The following METTL2B variants were observed in gnomAD, a reference collection of about 807,000 sequenced individuals.
The protein encoded by METTL2B is tRNA N(3)-cytidine methyltransferase METTL2B.
Under a neutral mutation model 51.0 loss-of-function variants are expected in METTL2B, and 28 were observed. That is an observed-to-expected ratio of 0.55 (90% CI 0.41 to 0.75). METTL2B has a LOEUF of 0.75. Ranked by LOEUF, METTL2B falls within the 30% of genes least tolerant of loss-of-function variation. METTL2B has a pLI of 0.00. For missense variants in METTL2B, 313 were observed against 460.7 expected, an observed-to-expected ratio of 0.68 and a Z score of 2.93; for synonymous variants, 128 against 166.3, an observed-to-expected ratio of 0.77 and a Z score of 1.77.
intron 4 of METTL2B, among the ~76,000 whole-genome samples, chr7:128,484,774 G>A (rs1449441848): frequency 5.9e-5 from 9 of 152,104 alleles, no homozygotes; most frequent in Admixed American, 5.9e-4. Flanking sequence ...TGTATTTTTA[G>A]GATTCACTGT....
At chr7:128,488,703 G>A (rs991457539) in intron 5 of METTL2B, 7 of 314,428 alleles carry the variant, frequency 2.2e-5, no homozygotes, top group African/African-American at 1.3e-4. Flanking sequence ...TCCTCTGTGT[G>A]CTCAAGTGAA....
chr7:128,501,880 C>T lies in METTL2B; in HGVS notation c.1101C>T (p.Cys367=), dbSNP rs373453923. 6.2e-7 allele frequency: 1 copy of T among 1,614,040 alleles called. No homozygotes were observed. Among genetic ancestry groups the T allele is most frequent in the African/African-American group, 1.3e-5 (1 of 74,924 alleles). ...QLTMYRVWIQ[C]KYCKPLLSST... is the part of the protein sequence containing the mutation. ...CAATGTACCGGGTTTGGATTCAGTGCAAATACTGCAAGCCCCTTCTGTCCA... is the reference window on the plus strand; with the variant it reads ...CAATGTACCGGGTTTGGATTCAGTGTAAATACTGCAAGCCCCTTCTGTCCA... Residue 367 remains cysteine, a synonymous_variant, in exon 9 of 9, where the codon TGC becomes TGT. Transcript: ENST00000262432.
intron 6 of METTL2B, among the ~76,000 whole-genome samples, chr7:128,496,631 A>T (rs551900559): frequency 6.6e-6 from 1 of 152,308 alleles, no homozygotes; most frequent in African/African-American, 2.4e-5. Flanking sequence ...ATTAAAATTT[A>T]AAATTCAAGT....
chr7:128,503,303 T>G lies in METTL2B; in HGVS notation c.*1387T>G, dbSNP rs1793065407. On this transcript the variant is annotated 3_prime_UTR_variant, in exon 9 of 9. Transcript: ENST00000262432. Reference sequence around the variant, plus strand: ...TCAAAAAAATAAAAGAAAAGAATTTTCACTTTTTGCAAAATTATCTTTTTT... The same window carrying G: ...TCAAAAAAATAAAAGAAAAGAATTTGCACTTTTTGCAAAATTATCTTTTTT... The G allele has an allele frequency of 6.6e-6, 1 of 152,216 alleles. No homozygotes were observed. The highest frequency in any genetic ancestry group is 1.5e-5 in the Non-Finnish European group (1 of 68,048). The allele number at this position is 152,216 out of a possible 1,614,324, so 9.4% of individuals were successfully genotyped here. A position where few individuals can be genotyped will look rare whatever the true frequency, so the allele number is the denominator to read the frequency against.
Position 128,476,869 on chromosome 7 carries a change from A to G in METTL2B, c.104A>G (p.Asn35Ser). The change falls in exon 1 of 9, where the codon AAT becomes AGT. Residue 35 changes from asparagine (N) to serine (S), a missense_variant. Physicochemically the swap from Asn to Ser is conservative, Grantham distance 46 (BLOSUM62 1). Around this residue, in one of 4 missense-constraint regions of METTL2B, gnomAD observed 66 missense variants for 58.2 expected, o/e 1.13. Coordinates refer to ENST00000262432, the MANE Select transcript of METTL2B (RefSeq NM_018396.3). ...GATCCGGCGCGCGTCTTCCACCACA[A>G]TGCCTGGTAATCACCCTGCCCCCTC... The part of the protein sequence containing the change: ...LSDPARVFHH[N>S]AWDNVEWSEE... 1.2e-6 allele frequency: 2 copies of G among 1,613,854 alleles called. No homozygotes were observed. Among genetic ancestry groups the G allele is most frequent in the Non-Finnish European group, 1.7e-6 (2 of 1,179,930 alleles).
At chr7:128,488,658 A>G in intron 5 of METTL2B, 1 of 372,094 alleles carries the variant, frequency 2.7e-6, no homozygotes, top group South Asian at 2.0e-5. Flanking sequence ...TCTAAGACAC[A>G]ATATTGCAAT....
At chr7:128,496,370 C>A (rs1465918611) in intron 6 of METTL2B, among the ~76,000 whole-genome samples, 4 of 152,088 alleles carry the variant, frequency 2.6e-5, no homozygotes, top group Non-Finnish European at 4.4e-5. Flanking sequence ...CAAAGCAAGA[C>A]CCCTGTCTCT....
intron 3 of METTL2B, among the ~76,000 whole-genome samples, chr7:128,480,253 C>T (rs1197470231): frequency 6.6e-6 from 1 of 152,212 alleles, no homozygotes; most frequent in Non-Finnish European, 1.5e-5. Flanking sequence ...TACCACGCAG[C>T]ACTGTGTTTA....
chr7:128,501,736 T>A (rs1465455309), intron 8 of METTL2B, 26 bp from the exon 9 acceptor site: 3 of 1,611,512 alleles, frequency 1.9e-6, no homozygotes, highest in Non-Finnish European at 2.5e-6. Context: ...GGAAAATGCA[T>A]AAACATCTTT....
intron 5 of METTL2B, chr7:128,488,389 T>C (rs1271059240): frequency 2.8e-6 from 2 of 712,134 alleles, no homozygotes; most frequent in Non-Finnish European, 2.5e-6. Flanking sequence ...CAACCCTGCA[T>C]CAAGCAAGCC....
In METTL2B at chr7:128,491,318, G is replaced by A. The variant is rs1488432511; in HGVS notation, c.670-2486G>A. On this transcript the variant is annotated intron_variant, in intron 5 of 8. Coordinates refer to ENST00000262432, the MANE Select transcript of METTL2B (RefSeq NM_018396.3). Reference sequence around the variant, plus strand: ...CTTTAAAAAACACAAAAACTAGGCCGGGTGCAGTGGTTCATGCCTGTAATC... The same window carrying A: ...CTTTAAAAAACACAAAAACTAGGCCAGGTGCAGTGGTTCATGCCTGTAATC... Among the ~76,000 whole-genome samples the A allele has an allele frequency of 2.6e-5, 4 of 151,742 alleles. No homozygotes were observed. In the East Asian group the frequency reaches 7.8e-4, roughly 30 times the overall value.
At chr7:128,494,192 A>C (rs1338649325) in intron 6 of METTL2B, among the ~76,000 whole-genome samples, 1 of 152,058 alleles carries the variant, frequency 6.6e-6, no homozygotes, top group African/African-American at 2.4e-5. Context: ...GGGTTTTGCC[A>C]TGTTGCCCAG....
chr7:128,501,334 C>T (rs1422567168), intron 8 of METTL2B: 20 of 985,290 alleles, frequency 2.0e-5, no homozygotes, highest in African/African-American at 7.0e-5. Context: ...CTAGGGGTGC[C>T]GGGAACTGCT....
chr7:128,500,267 C>T (rs1164971444), intron 7 of METTL2B, among the ~76,000 whole-genome samples: 1 of 152,140 alleles, frequency 6.6e-6, no homozygotes, highest in Non-Finnish European at 1.5e-5. Context: ...AGGACAGTCA[C>T]CACCAAAATG....
chr7:128,498,997 CAA>C (rs57860093), intron 7 of METTL2B, among the ~76,000 whole-genome samples: 26 of 109,808 alleles, frequency 2.4e-4, no homozygotes, highest in Admixed American at 5.8e-4. Flanking sequence ...AACTCTGTCT[CAA>C]AAAAAAAAAA....
intron 5 of METTL2B, among the ~76,000 whole-genome samples, chr7:128,489,822 G>C (rs1424218849): frequency 6.6e-6 from 1 of 151,134 alleles, no homozygotes; most frequent in East Asian, 2.0e-4. Flanking sequence ...TAGAGACGGG[G>C]TTTCACCGTT....
chr7:128,498,708 T>C (rs1477463412), intron 7 of METTL2B, among the ~76,000 whole-genome samples: 1 of 152,080 alleles, frequency 6.6e-6, no homozygotes, highest in Non-Finnish European at 1.5e-5. Context: ...AGAAAGACAT[T>C]TGAAAGACAG....
At position 128,476,853 on chromosome 7, in the gene METTL2B, C is replaced by G. The variant is rs969939104; in HGVS notation, c.88C>G (p.Arg30Gly). Residue 30 changes from arginine (R) to glycine (G), a missense_variant, in exon 1 of 9, where the codon CGC (arginine) becomes GGC (glycine). Coordinates refer to ENST00000262432, the MANE Select transcript of METTL2B (RefSeq NM_018396.3). ...FGSRFLSDPA[R>G]VFHHNAWDNV... ...AAGCCGGTTCCTGAGCGATCCGGCG[C>G]GCGTCTTCCACCACAATGCCTGGTA... 1 of 1,613,948 alleles carries G rather than the reference C, an allele frequency of 6.2e-7. No homozygotes were observed. Among genetic ancestry groups the G allele is most frequent in the African/African-American group, 1.3e-5 (1 of 74,922 alleles).
intron 6 of METTL2B, among the ~76,000 whole-genome samples, chr7:128,495,110 A>G (rs757563415): frequency 2.0e-5 from 3 of 148,418 alleles, no homozygotes; most frequent in Non-Finnish European, 4.5e-5. Context: ...TTTAGTGGAG[A>G]TGGTGTTTCA....
Sources: allele counts gnomAD v4.1 joint callset (sites outside exome capture counted in the v4.1 genomes callset), GRCh38; gene constraint gnomAD v4.1.1; regional missense constraint gnomAD v4.1.1; transcripts MANE v1.5; gene names NCBI Gene and HGNC (gene_info 2026-07-23, HGNC 2026-07-21).